The following CCSER2 variants were observed in gnomAD, a reference collection of about 807,000 sequenced individuals.
CCSER2 encodes the protein serine-rich coiled-coil domain-containing protein 2.
CCSER2 carries 46 observed loss-of-function variants against 92.3 expected under a neutral mutation model. That is an observed-to-expected ratio of 0.50 (90% CI 0.39 to 0.64). CCSER2 has a LOEUF of 0.64. CCSER2 is among the 30% of genes least tolerant of loss of function. The pLI is 0.00. For synonymous variants in CCSER2, 433 were observed against 431.4 expected (o/e 1.00, Z -0.04); for missense variants, 1,244 against 1,238.9 (o/e 1.00, Z -0.06).
At chr10:84,389,302 A>C (rs1239558486) in intron 3 of CCSER2, 4 of 522,156 alleles carry the variant, frequency 7.7e-6, no homozygotes, top group Non-Finnish European at 1.5e-5. Context: ...CTCTGGCTAA[A>C]GATCAGTGCC....
At chr10:84,382,973 T>C (rs1376794924) in intron 3 of CCSER2, among the ~76,000 whole-genome samples, 1 of 152,228 alleles carries the variant, frequency 6.6e-6, no homozygotes, top group Non-Finnish European at 1.5e-5. Flanking sequence ...AGAGGAGAGC[T>C]GGCTAGATTT....
chr10:84,490,521 G>A (rs1398770071), intron 9 of CCSER2, among the ~76,000 whole-genome samples: 1 of 152,160 alleles, frequency 6.6e-6, no homozygotes, highest in Admixed American at 6.5e-5. Context: ...CTTTCTTCCA[G>A]TTGATCAAAT....
chr10:84,501,349 C>T (rs1346074477), intron 9 of CCSER2, among the ~76,000 whole-genome samples: 1 of 152,148 alleles, frequency 6.6e-6, no homozygotes, highest in Non-Finnish European at 1.5e-5. Context: ...GAGATTTCCC[C>T]TCAGATTAGC....
At position 84,512,833 on chromosome 10, in the gene CCSER2, A is replaced by G. The variant is rs138953037; in HGVS notation, c.2326-616A>G. Among the ~76,000 whole-genome samples the G allele has an allele frequency of 8.8e-3, 1,346 of 152,330 alleles. 17 individuals are homozygous for G. The highest frequency in any genetic ancestry group is 0.031 in the African/African-American group (1,276 of 41,568). ...AGACAGAACAAATAAACTTTGAAAC[A>G]TTTTATTTGGAAACTTTTCAACAAG... On this transcript the variant is annotated intron_variant, in intron 9 of 9. Coordinates refer to ENST00000372088, the MANE Select transcript of CCSER2 (RefSeq NM_001284240.2).
chr10:84,473,601 G>T (rs753751195), intron 8 of CCSER2, among the ~76,000 whole-genome samples: 7 of 152,118 alleles, frequency 4.6e-5, no homozygotes, highest in Non-Finnish European at 8.8e-5. Context: ...AAAGTCACTT[G>T]TTCAAACCAA....
rs375855903 is a variant in CCSER2 at position 84,367,043 on chromosome 10, T to A, written c.-39-3971T>A. Among the ~76,000 whole-genome samples the A allele has an allele frequency of 3.9e-5, 6 of 152,212 alleles. No individual in the cohort carries two copies. The East Asian group carries it at 7.7e-4, about 20-fold the overall frequency. ...AGGCTCCAGCATTTCTTTGGAAGGT[T>A]ATCCAGTTATTTCCTTTGTATATTC... On this transcript the variant is annotated intron_variant, in intron 1 of 9. Transcript: ENST00000372088.
chr10:84,447,967 T>C (rs1845031867), intron 6 of CCSER2, among the ~76,000 whole-genome samples: 1 of 152,098 alleles, frequency 6.6e-6, no homozygotes, highest in Non-Finnish European at 1.5e-5. Flanking sequence ...CTATTTTTGT[T>C]ATCCTGCTAA....
At chr10:84,416,702 G>A (rs995375468) in intron 3 of CCSER2, among the ~76,000 whole-genome samples, 5 of 152,082 alleles carry the variant, frequency 3.3e-5, no homozygotes, top group African/African-American at 1.2e-4. Context: ...GCCGAGGCAG[G>A]CAGATCATGA....
chr10:84,343,731 C>G (rs995270527), intron 1 of CCSER2, among the ~76,000 whole-genome samples: 1 of 152,182 alleles, frequency 6.6e-6, no homozygotes, highest in Non-Finnish European at 1.5e-5. Flanking sequence ...TGTATGGAAA[C>G]GGCTCTGGCT....
intron 5 of CCSER2, among the ~76,000 whole-genome samples, chr10:84,437,152 G>C (rs61866481): frequency 0.17 from 9,700 of 56,240 alleles, 385 homozygotes; most frequent in East Asian, 0.44. Context: ...CACACACACA[G>C]AGAGAGAGAG....
At chr10:84,358,708 A>G (rs1845336521) in intron 1 of CCSER2, among the ~76,000 whole-genome samples, 1 of 150,634 alleles carries the variant, frequency 6.6e-6, no homozygotes, top group African/African-American at 2.4e-5. Context: ...GTGTATATAT[A>G]TATTTATTAA....
intron 1 of CCSER2, among the ~76,000 whole-genome samples, chr10:84,350,461 G>A (rs1418730996): frequency 1.3e-5 from 2 of 151,550 alleles, no homozygotes; most frequent in South Asian, 4.2e-4. Context: ...GTGCATTTTT[G>A]TATACCTAGC....
At chr10:84,418,883 G>A (rs1422651128) in intron 4 of CCSER2, among the ~76,000 whole-genome samples, 1 of 152,180 alleles carries the variant, frequency 6.6e-6, no homozygotes, top group African/African-American at 2.4e-5. Context: ...CTAGCTTGAG[G>A]TCTGTTCCAT....
chr10:84,399,583 G>T (rs1842010171), intron 3 of CCSER2, among the ~76,000 whole-genome samples: 1 of 152,022 alleles, frequency 6.6e-6, no homozygotes, highest in South Asian at 2.1e-4. Context: ...TTTTAAATAA[G>T]ATAATGGCAT....
At chr10:84,409,054 G>T (rs976150174) in intron 3 of CCSER2, among the ~76,000 whole-genome samples, 5 of 151,978 alleles carry the variant, frequency 3.3e-5, no homozygotes. Flanking sequence ...GCAGTAGTGC[G>T]ATCTCGGCTC....
Position 84,428,332 on chromosome 10 carries a change from G to A in CCSER2, c.1868+2439G>A, listed in dbSNP as rs115893421. On this transcript the variant is annotated intron_variant, in intron 5 of 9. Coordinates refer to ENST00000372088, the MANE Select transcript of CCSER2 (RefSeq NM_001284240.2). Reference sequence around the variant, plus strand: ...TGTTCAACCTAGATCCCTTGCATGCGCAGCTCACGATAGGGTTCGTGCTCC... The same window carrying A: ...TGTTCAACCTAGATCCCTTGCATGCACAGCTCACGATAGGGTTCGTGCTCC... Among the ~76,000 whole-genome samples the A allele has an allele frequency of 5.2e-3, 797 of 152,198 alleles. 2 individuals carry two copies. Among genetic ancestry groups the A allele is most frequent in the African/African-American group, 0.018 (755 of 41,532 alleles).
At chr10:84,345,473 C>T (rs1844425964) in intron 1 of CCSER2, among the ~76,000 whole-genome samples, 1 of 152,146 alleles carries the variant, frequency 6.6e-6, no homozygotes. Flanking sequence ...TGTCTATTTA[C>T]ACAGTTTTGT....
At chr10:84,350,298 C>T (rs1474700232) in intron 1 of CCSER2, among the ~76,000 whole-genome samples, 1 of 152,186 alleles carries the variant, frequency 6.6e-6, no homozygotes, top group Non-Finnish European at 1.5e-5. Context: ...TCTGAGAGGC[C>T]TTACTTGATG....
At chr10:84,406,419 C>G (rs1842380625) in intron 3 of CCSER2, among the ~76,000 whole-genome samples, 1 of 152,148 alleles carries the variant, frequency 6.6e-6, no homozygotes, top group African/African-American at 2.4e-5. Context: ...TGTAATTAAA[C>G]TAATGATGGT....
Sources: gnomAD v4.1 joint callset for allele counts (sites outside exome capture counted in the v4.1 genomes callset) on GRCh38, gnomAD v4.1.1 for gene constraint, MANE v1.5 for transcripts, NCBI Gene and HGNC (gene_info 2026-07-23, HGNC 2026-07-21) for gene names.